SDK1: variants seen among roughly 807,000 people sequenced by gnomAD.
The protein encoded by SDK1 is sidekick cell adhesion molecule 1, also known as protein sidekick-1.
Under a neutral mutation model 245.5 loss-of-function variants are expected in SDK1, and 157 were observed. That is an observed-to-expected ratio of 0.64 (90% confidence interval 0.56 to 0.73). The LOEUF is 0.73. Among genes scored for constraint, SDK1 ranks in the 30% least tolerant of loss-of-function variants. SDK1 has a pLI of 0.00. For missense variants in SDK1, 3,583 were observed against 3,002.3 expected, an observed-to-expected ratio of 1.19 and a Z score of -4.52; for synonymous variants, 1,647 against 1,278.5, an observed-to-expected ratio of 1.29 and a Z score of -6.15.
At chr7:3,921,927 G>C (rs1425166960) in intron 5 of SDK1, among the ~76,000 whole-genome samples, 1 of 152,138 alleles carries the variant, frequency 6.6e-6, no homozygotes, top group African/African-American at 2.4e-5. Context: ...GATCACACCA[G>C]TGCACTCCAG....
chr7:3,454,679 G>A (rs375124810), intron 1 of SDK1, among the ~76,000 whole-genome samples: 3 of 152,130 alleles, frequency 2.0e-5, no homozygotes, highest in East Asian at 1.9e-4. Flanking sequence ...TTTATCAACA[G>A]TTAATTCATT....
chr7:4,149,144 A>T, intron 29 of SDK1, 118 bp from the exon 30 acceptor site: 1 of 681,358 alleles, frequency 1.5e-6, no homozygotes, highest in Non-Finnish European at 2.2e-6. Flanking sequence ...TGTCCAAGGC[A>T]TGCAGGCAGC....
At chr7:4,259,437 AAAAT>A (rs914421779) in intron 44 of SDK1, among the ~76,000 whole-genome samples, 4 of 152,204 alleles carry the variant, frequency 2.6e-5, no homozygotes, top group Non-Finnish European at 4.4e-5. Flanking sequence ...CTCTGTCTCA[AAAAT>A]AAATAAATAA....
intron 1 of SDK1, among the ~76,000 whole-genome samples, chr7:3,586,670 A>C (rs968435494): frequency 1.4e-4 from 21 of 148,028 alleles, no homozygotes; most frequent in African/African-American, 5.3e-4. Flanking sequence ...GTGCCACTGC[A>C]CTCCAGCCTG....
chr7:3,742,104 C>T (rs79098327), intron 4 of SDK1, among the ~76,000 whole-genome samples: 3 of 149,826 alleles, frequency 2.0e-5, no homozygotes, highest in Admixed American at 6.7e-5. Flanking sequence ...ATTTTGTTTT[C>T]ATACATCTGG....
At chr7:3,651,322 C>A (rs1429210244) in intron 4 of SDK1, among the ~76,000 whole-genome samples, 1 of 152,016 alleles carries the variant, frequency 6.6e-6, no homozygotes, top group Non-Finnish European at 1.5e-5. Flanking sequence ...TTTCACTTCT[C>A]TAATGGCTAA....
At chr7:4,132,202 A>C (rs1584241005) in intron 27 of SDK1, 123 bp from the exon 28 acceptor site, 79 of 736,830 alleles carry the variant, frequency 1.1e-4, no homozygotes, top group Middle Eastern at 4.7e-4. Context: ...GGGGTTCTAA[A>C]CCCACGACAG....
rs1021777933 is a variant in SDK1 at position 3,882,878 on chromosome 7, A to G, written c.847+61295A>G. Among the ~76,000 whole-genome samples, 12 of 152,214 alleles carry G rather than the reference A, an allele frequency of 7.9e-5. 1 individual carries two copies. On this transcript the variant is annotated intron_variant, in intron 5 of 44. Transcript: ENST00000404826. ...CTCTGAGTTACTCTATTGACGCAGA[A>G]AACAATTTAGTCATGCATACCTAAG...
chr7:4,048,897 G>T (rs1789227987), intron 17 of SDK1, among the ~76,000 whole-genome samples: 1 of 152,188 alleles, frequency 6.6e-6, no homozygotes, highest in Non-Finnish European at 1.5e-5. Context: ...TGGGACAAGG[G>T]TGATGATTTT....
At chr7:4,014,104 G>T (rs1786200335) in intron 16 of SDK1, among the ~76,000 whole-genome samples, 1 of 152,214 alleles carries the variant, frequency 6.6e-6, no homozygotes, top group Admixed American at 6.5e-5. Flanking sequence ...AGCAGCACAG[G>T]CCTGTCATCC....
intron 5 of SDK1, among the ~76,000 whole-genome samples, chr7:3,917,373 G>C (rs1779420746): frequency 6.6e-6 from 1 of 152,142 alleles, no homozygotes. Context: ...CTCTTTGAGG[G>C]TTTCTCTCCA....
At chr7:3,680,345 G>A (rs554809590) in intron 4 of SDK1, among the ~76,000 whole-genome samples, 3 of 152,302 alleles carry the variant, frequency 2.0e-5, no homozygotes, top group African/African-American at 7.2e-5. Flanking sequence ...GTGAATTTAG[G>A]TGGACAGCAC....
rs1040355247 is a variant in SDK1 at position 3,334,976 on chromosome 7, T to C, written c.298+33092T>C. Among the ~76,000 whole-genome samples, 5 of 152,186 alleles carry C rather than the reference T, an allele frequency of 3.3e-5. No individual in the cohort carries two copies. The East Asian group carries it at 9.6e-4, about 29-fold the overall frequency. On this transcript the variant is annotated intron_variant, in intron 1 of 44. Transcript: ENST00000404826. ...AGGCCCCAAATCTTGGAGTTATCCT[T>C]CATTTTTTTTCTTCTCTAATTTATC...
chr7:4,178,888 G>A (rs1166997361), intron 35 of SDK1, among the ~76,000 whole-genome samples: 1 of 152,238 alleles, frequency 6.6e-6, no homozygotes, highest in Non-Finnish European at 1.5e-5. Flanking sequence ...TTAAGTCAGT[G>A]GTGATGTAGG....
chr7:3,380,289 C>T (rs1431258878), intron 1 of SDK1, among the ~76,000 whole-genome samples: 2 of 152,190 alleles, frequency 1.3e-5, no homozygotes, highest in Admixed American at 6.5e-5. Context: ...AGCTGACTTA[C>T]ACAAAGGAGA....
chr7:3,641,214 C>G (rs886548623), intron 3 of SDK1, among the ~76,000 whole-genome samples: 1 of 152,080 alleles, frequency 6.6e-6, no homozygotes, highest in African/African-American at 2.4e-5. Context: ...TAAAAATACA[C>G]TATTTTGCCA....
chr7:3,596,917 C>G (rs943950196), intron 1 of SDK1, among the ~76,000 whole-genome samples: 15 of 152,154 alleles, frequency 9.9e-5, no homozygotes, highest in Admixed American at 6.5e-4. Context: ...AGCTTAGCGT[C>G]TGCCTTACTT....
chr7:3,832,023 C>G (rs1457736104), intron 5 of SDK1, among the ~76,000 whole-genome samples: 1 of 152,090 alleles, frequency 6.6e-6, no homozygotes, highest in Non-Finnish European at 1.5e-5. Context: ...TGTACTCCAG[C>G]CTGGGCAACA....
intron 5 of SDK1, among the ~76,000 whole-genome samples, chr7:3,896,878 A>T (rs1216392448): frequency 1.3e-5 from 2 of 152,202 alleles, no homozygotes; most frequent in African/African-American, 4.8e-5. Flanking sequence ...TAACTACCTG[A>T]GACTGGGTAA....
Sources: gnomAD v4.1 joint callset for allele counts (sites outside exome capture counted in the v4.1 genomes callset) on GRCh38, gnomAD v4.1.1 for gene constraint, MANE v1.5 for transcripts, NCBI Gene and HGNC (gene_info 2026-07-23, HGNC 2026-07-21) for gene names.